The following LARP4 variants were observed in gnomAD, a reference collection of about 807,000 sequenced individuals.
LARP4 encodes La ribonucleoprotein 4.
LARP4 carries 29 observed loss-of-function variants against 92.9 expected under a neutral mutation model. The observed-to-expected ratio is 0.31, with a 90% CI of 0.23 to 0.43. LARP4 has a LOEUF of 0.43. Among genes scored for constraint, LARP4 ranks in the 20% least tolerant of loss-of-function variants. LARP4 has a pLI of 1.00. For missense variants in LARP4, 732 were observed against 860.0 expected, an observed-to-expected ratio of 0.85 and a Z score of 1.86; for synonymous variants, 279 against 284.1, an observed-to-expected ratio of 0.98 and a Z score of 0.18.
chr12:50,469,662 G>A (rs146036026), intron 13 of LARP4, among the ~76,000 whole-genome samples: 207 of 144,112 alleles, frequency 1.4e-3, no homozygotes, highest in South Asian at 8.7e-3. Context: ...TGTAATCCCC[G>A]CACTTTGGGA....
intron 8 of LARP4, among the ~76,000 whole-genome samples, chr12:50,451,228 C>T (rs1021095240): frequency 2.0e-5 from 3 of 152,146 alleles, no homozygotes; most frequent in African/African-American, 7.2e-5. Context: ...CCTGCCTCCC[C>T]CTATCCCTAG....
intron 1 of LARP4, among the ~76,000 whole-genome samples, chr12:50,417,323 C>T (rs1410348724): frequency 4.7e-5 from 7 of 148,558 alleles, no homozygotes; most frequent in South Asian, 2.1e-4. Flanking sequence ...TGCAGTGAGC[C>T]GAGATCGTGT....
intron 1 of LARP4, among the ~76,000 whole-genome samples, chr12:50,426,715 G>T (rs1948799069): frequency 2.9e-5 from 4 of 136,148 alleles, no homozygotes; most frequent in African/African-American, 9.1e-5. Context: ...GTGTGTGTGT[G>T]TGTGTGTGTG....
chr12:50,463,806 G>A (rs1287726532), intron 12 of LARP4, among the ~76,000 whole-genome samples: 1 of 152,148 alleles, frequency 6.6e-6, no homozygotes, highest in Admixed American at 6.6e-5. Context: ...CCACTATGCA[G>A]TGCCCTAGTG....
intron 1 of LARP4, among the ~76,000 whole-genome samples, chr12:50,423,679 C>T (rs1291839356): frequency 1.3e-5 from 2 of 151,740 alleles, no homozygotes; most frequent in Non-Finnish European, 2.9e-5. Context: ...GAACTCCTGA[C>T]CTCATGATCT....
chr12:50,475,677 A>C lies in LARP4; in HGVS notation c.1988A>C (p.Lys663Thr), dbSNP rs748484357. The part of the protein sequence containing the change: ...DNGAPENSVE[K>T]PHEKPEARAS... ...GGAGCTCCTGAGAACTCCGTTGAGAAACCACATGAGAAGCCAGAAGCAAGG... is the reference window on the plus strand; with the variant it reads ...GGAGCTCCTGAGAACTCCGTTGAGACACCACATGAGAAGCCAGAAGCAAGG... Residue 663 changes from lysine to threonine, a missense_variant, in exon 16 of 16, where the codon AAA becomes ACA. By Grantham distance (78) the Lys-to-Thr change is moderately conservative. This residue lies in a region of LARP4 where 115 missense variants were observed against 129.1 expected (regional missense o/e 0.89). Transcript: ENST00000398473. The C allele has an allele frequency of 4.3e-6, 7 of 1,614,054 alleles. No individual in the cohort carries two copies. Among genetic ancestry groups the C allele is most frequent in the Non-Finnish European group, 5.9e-6 (7 of 1,180,046 alleles).
At chr12:50,439,022 T>C (rs1172445271) in intron 6 of LARP4, among the ~76,000 whole-genome samples, 2 of 152,198 alleles carry the variant, frequency 1.3e-5, no homozygotes, top group African/African-American at 2.4e-5. Flanking sequence ...ACTGTAGCCT[T>C]GACCTCATGG....
intron 1 of LARP4, among the ~76,000 whole-genome samples, chr12:50,407,583 G>A (rs930480562): frequency 5.3e-5 from 8 of 152,148 alleles, no homozygotes; most frequent in African/African-American, 1.7e-4. Context: ...GGTGACTCAT[G>A]CCTGTAATCC....
intron 8 of LARP4, among the ~76,000 whole-genome samples, chr12:50,449,605 T>G (rs572040655): frequency 6.6e-6 from 1 of 152,326 alleles, no homozygotes. Flanking sequence ...ATAGAGAGGA[T>G]ACAAAAGCTA....
At chr12:50,425,145 T>C (rs1452799883) in intron 1 of LARP4, among the ~76,000 whole-genome samples, 1 of 152,068 alleles carries the variant, frequency 6.6e-6, no homozygotes, top group East Asian at 1.9e-4. Flanking sequence ...AGACTCCGTC[T>C]CAAAAAGGAA....
chr12:50,473,866 T>G lies in LARP4; in HGVS notation c.1668-133T>G. ...CAGAGGTTGCAGTGAGCCAAGAGCA[T>G]GCCACTACACTCCAGCCTGGGTGAC... is the stretch of plus-strand genomic sequence containing the variant. On this transcript the variant is annotated intron_variant, in intron 14 of 15. Transcript: ENST00000398473. The G allele has an allele frequency of 5.0e-6, 3 of 605,042 alleles. No homozygotes were observed. In the South Asian group the frequency reaches 6.2e-5, roughly 13 times the overall value. 37.5% of individuals were successfully genotyped at this position (605,042 alleles called of 1,614,324 possible).
rs200430924 is a variant in LARP4, at chr12:50,400,968, G to C, written c.-43G>C. On this transcript the variant is annotated 5_prime_UTR_variant, in exon 1 of 16. Coordinates refer to ENST00000398473, the MANE Select transcript of LARP4 (RefSeq NM_052879.5). ...TGGGGCGCGGGCCTGTGAGCCAGTT[G>C]GAGTTGCGGCGGCGGGAACGATTGG... is the stretch of plus-strand genomic sequence containing the variant. 6.2e-7 allele frequency: 1 copy of C among 1,613,984 alleles called. No homozygotes were observed. Among genetic ancestry groups the C allele is most frequent in the African/African-American group, 1.3e-5 (1 of 74,922 alleles).
intron 3 of LARP4, 66 bp from the exon 4 acceptor site, chr12:50,430,429 A>G: frequency 2.5e-6 from 2 of 802,656 alleles, no homozygotes; most frequent in African/African-American, 1.7e-5. Flanking sequence ...GTACAACAGT[A>G]TGTCAGATTT....
At chr12:50,420,471 A>C (rs1300402784) in intron 1 of LARP4, among the ~76,000 whole-genome samples, 1 of 152,248 alleles carries the variant, frequency 6.6e-6, no homozygotes, top group Non-Finnish European at 1.5e-5. Flanking sequence ...GAATTGATGA[A>C]CGATTTCAGG....
rs1185423818 is a variant in LARP4, at chr12:50,413,598, A to G, written c.18+12570A>G. ...TACAAATCTAGATGGTATACCTACA[A>G]CACACCTAGGCTATATGGTATGGCT... On this transcript the variant is annotated intron_variant, in intron 1 of 15. Transcript: ENST00000398473. 3.3e-5 allele frequency among the ~76,000 whole-genome samples: 5 copies of G among 152,074 alleles called. No individual in the cohort carries two copies. The East Asian group carries it at 9.6e-4, about 29-fold the overall frequency.
chr12:50,466,838 T>C, intron 12 of LARP4, 121 bp from the exon 13 acceptor site: 1 of 838,854 alleles, frequency 1.2e-6, no homozygotes, highest in Non-Finnish European at 1.9e-6. Context: ...AGGGATACAG[T>C]TCTGTGCATT....
At chr12:50,423,718 G>T (rs1284378731) in intron 1 of LARP4, among the ~76,000 whole-genome samples, 1 of 149,364 alleles carries the variant, frequency 6.7e-6, no homozygotes, top group Admixed American at 6.7e-5. Flanking sequence ...AAGTGCTGGG[G>T]TTACAGGCGT....
chr12:50,435,510 T>C lies in LARP4; in HGVS notation c.421T>C (p.Tyr141His). The change falls in exon 5 of 16, where the codon TAC (tyrosine) becomes CAC (histidine). Residue 141 changes from tyrosine (Y) to histidine (H), a missense_variant. Transcript: ENST00000398473. ...CAGAGAAAATTTGTCAAAGGATCTT[T>C]ACTTGATATCTCAAATGGATAGTGA... ...FSRENLSKDL[Y>H]LISQMDSDQF... 2 of 1,559,792 alleles carry C rather than the reference T, an allele frequency of 1.3e-6. No homozygotes were observed. Among genetic ancestry groups the C allele is most frequent in the Non-Finnish European group, 1.8e-6 (2 of 1,135,810 alleles).
intron 1 of LARP4, chr12:50,402,892 C>A: frequency 2.3e-6 from 1 of 433,088 alleles, no homozygotes; most frequent in Non-Finnish European, 4.6e-6. Flanking sequence ...CTTTGTGAGT[C>A]ACTATGTCAT....
Sources: gnomAD v4.1 joint callset for allele counts (sites outside exome capture counted in the v4.1 genomes callset) on GRCh38, gnomAD v4.1.1 for gene constraint, gnomAD v4.1.1 regional missense constraint, MANE v1.5 for transcripts, NCBI Gene and HGNC (gene_info 2026-07-23, HGNC 2026-07-21) for gene names.